The following NALF1 variants were observed in gnomAD, a reference collection of about 807,000 sequenced individuals.
NALF1 encodes NALCN channel auxiliary factor 1.
NALF1 carries 3 observed loss-of-function variants against 48.4 expected under a neutral mutation model. The ratio of observed to expected loss-of-function variants is 0.06; its 90% CI spans 0.03 to 0.16. The LOEUF (loss-of-function observed/expected upper bound fraction) is 0.16. Ranked by LOEUF, NALF1 falls within the 10% of genes least tolerant of loss-of-function variation. NALF1 has a pLI of 1.00. For synonymous variants in NALF1, 262 were observed against 245.7 expected (o/e 1.07, Z -0.62); for missense variants, 526 against 571.5 (o/e 0.92, Z 0.81).
intron 1 of NALF1, among the ~76,000 whole-genome samples, chr13:107,329,623 G>T (rs760209178): frequency 4.6e-5 from 7 of 151,460 alleles, no homozygotes; most frequent in Non-Finnish European, 1.0e-4. Flanking sequence ...TTAACATTAG[G>T]TATATCTCCT....
chr13:107,287,502 T>C (rs987615896), intron 1 of NALF1, among the ~76,000 whole-genome samples: 1 of 152,088 alleles, frequency 6.6e-6, no homozygotes, highest in African/African-American at 2.4e-5. Flanking sequence ...AAACGTCAAA[T>C]AAAAAGTAAG....
chr13:107,787,066 C>G (rs1878097331), intron 1 of NALF1, among the ~76,000 whole-genome samples: 1 of 152,178 alleles, frequency 6.6e-6, no homozygotes, highest in Non-Finnish European at 1.5e-5. Flanking sequence ...TTCATTTAGT[C>G]TCCTACACCT....
At chr13:107,567,622 C>T (rs1877853954) in intron 1 of NALF1, among the ~76,000 whole-genome samples, 1 of 152,200 alleles carries the variant, frequency 6.6e-6, no homozygotes, top group Admixed American at 6.5e-5. Context: ...TAAGATCTCA[C>T]CATTACACAT....
intron 1 of NALF1, among the ~76,000 whole-genome samples, chr13:107,335,239 G>A (rs1470212345): frequency 1.3e-5 from 2 of 152,130 alleles, no homozygotes; most frequent in Non-Finnish European, 2.9e-5. Context: ...TAAATCTGCT[G>A]GAAGTTAAAA....
chr13:107,413,943 C>G (rs193293484), intron 1 of NALF1, among the ~76,000 whole-genome samples: 9 of 152,202 alleles, frequency 5.9e-5, no homozygotes, highest in South Asian at 4.1e-4. Context: ...TGCACCACCA[C>G]GCCCAGGTAA....
intron 1 of NALF1, among the ~76,000 whole-genome samples, chr13:107,728,639 T>C (rs926348609): frequency 1.3e-5 from 2 of 152,068 alleles, no homozygotes; most frequent in Admixed American, 6.6e-5. Flanking sequence ...CCATGGCACA[T>C]GTATACATAT....
rs1426275845 is a variant in NALF1 at position 107,761,070 on chromosome 13, C to G, written c.915+104612G>C. On this transcript the variant is annotated intron_variant, in intron 1 of 2. Coordinates refer to ENST00000375915, the MANE Select transcript of NALF1 (RefSeq NM_001080396.3). ...TGGGTTAAGAAAAAATGGCAAACACCGGCCAGGCGCGGTGGCTGAAATCAC... is the reference window on the plus strand; with the variant it reads ...TGGGTTAAGAAAAAATGGCAAACACGGGCCAGGCGCGGTGGCTGAAATCAC... 5.9e-5 allele frequency among the ~76,000 whole-genome samples: 9 copies of G among 152,164 alleles called. 3 individuals are homozygous for G. Among genetic ancestry groups the G allele is most frequent in the Admixed American group, 5.9e-4 (9 of 15,270 alleles).
At chr13:107,818,741 G>C (rs941482584) in intron 1 of NALF1, among the ~76,000 whole-genome samples, 5 of 144,478 alleles carry the variant, frequency 3.5e-5, no homozygotes, top group African/African-American at 1.4e-4. Flanking sequence ...GCGTGGTAGC[G>C]GGCGCCTGTA....
intron 1 of NALF1, among the ~76,000 whole-genome samples, chr13:107,622,400 C>T (rs534591602): frequency 6.6e-5 from 10 of 151,646 alleles, no homozygotes; most frequent in East Asian, 2.0e-4. Context: ...GAGATCGCAC[C>T]GTTGCACCCC....
rs781071614 is a variant in NALF1, at chr13:107,292,248, A to C, written c.916-81493T>G. Among the ~76,000 whole-genome samples, 12 of 152,212 alleles carry C rather than the reference A, an allele frequency of 7.9e-5. No individual in the cohort carries two copies. The South Asian group carries it at 8.3e-4, about 10-fold the overall frequency. On this transcript the variant is annotated intron_variant, in intron 1 of 2. Coordinates refer to ENST00000375915, the MANE Select transcript of NALF1 (RefSeq NM_001080396.3). ...ATACAGTATAAAAAATAGAAAAAAA[A>C]CTGATACACCTGTATAGGGCACATG...
At chr13:107,404,221 C>T (rs1165971061) in intron 1 of NALF1, among the ~76,000 whole-genome samples, 2 of 151,968 alleles carry the variant, frequency 1.3e-5, no homozygotes, top group African/African-American at 2.4e-5. Flanking sequence ...AAGATTATTT[C>T]GATCATTTCA....
chr13:107,721,987 C>G (rs947964310), intron 1 of NALF1, among the ~76,000 whole-genome samples: 2 of 152,158 alleles, frequency 1.3e-5, no homozygotes, highest in Admixed American at 1.3e-4. Flanking sequence ...GGTTCCCCCC[C>G]TCTTGCCTTT....
chr13:107,265,918 T>C (rs1881029787), intron 1 of NALF1, among the ~76,000 whole-genome samples: 1 of 152,188 alleles, frequency 6.6e-6, no homozygotes, highest in South Asian at 2.1e-4. Flanking sequence ...AGTCTAAAAC[T>C]ATAGAAAGGA....
intron 1 of NALF1, among the ~76,000 whole-genome samples, chr13:107,580,771 T>C (rs1414821276): frequency 6.6e-6 from 1 of 152,200 alleles, no homozygotes; most frequent in East Asian, 1.9e-4. Flanking sequence ...CACAGATTGT[T>C]TTCCTCTTCC....
intron 1 of NALF1, among the ~76,000 whole-genome samples, chr13:107,715,933 G>A (rs1041881117): frequency 1.3e-5 from 2 of 152,200 alleles, no homozygotes; most frequent in Admixed American, 6.5e-5. Flanking sequence ...ACTCCAGAGA[G>A]AGAGGAGTAA....
At chr13:107,850,949 A>G (rs969240244) in intron 1 of NALF1, among the ~76,000 whole-genome samples, 2 of 152,084 alleles carry the variant, frequency 1.3e-5, no homozygotes, top group Non-Finnish European at 2.9e-5. Flanking sequence ...GCTGTGAACA[A>G]TTTGAATTTT....
intron 1 of NALF1, among the ~76,000 whole-genome samples, chr13:107,716,408 G>A (rs1461507668): frequency 6.6e-6 from 1 of 152,138 alleles, no homozygotes; most frequent in Non-Finnish European, 1.5e-5. Context: ...AGTGCTTAAT[G>A]CCGAATACAA....
chr13:107,641,065 T>C (rs558257233), intron 1 of NALF1, among the ~76,000 whole-genome samples: 4 of 152,296 alleles, frequency 2.6e-5, no homozygotes, highest in African/African-American at 9.6e-5. Context: ...CAATGAAATA[T>C]CTACTTGGTT....
chr13:107,180,078 A>G lies in NALF1; in HGVS notation c.1088-9292T>C, dbSNP rs372312683. ...ATTATGCATTATATGCTTGTATCAAAATATCTCATGTACCCCATAAATATA... is the reference window on the plus strand; with the variant it reads ...ATTATGCATTATATGCTTGTATCAAGATATCTCATGTACCCCATAAATATA... On this transcript the variant is annotated intron_variant, in intron 2 of 2. Coordinates refer to ENST00000375915, the MANE Select transcript of NALF1 (RefSeq NM_001080396.3). Among the ~76,000 whole-genome samples, 33 of 151,020 alleles carry G rather than the reference A, an allele frequency of 2.2e-4. No individual in the cohort carries two copies. The South Asian group carries it at 7.0e-3, about 32-fold the overall frequency.
Sources: allele counts gnomAD v4.1 joint callset (sites outside exome capture counted in the v4.1 genomes callset), GRCh38; gene constraint gnomAD v4.1.1; transcripts MANE v1.5; gene names NCBI Gene and HGNC (gene_info 2026-07-23, HGNC 2026-07-21).